COMMD1: variants seen among roughly 807,000 people sequenced by gnomAD.
The protein encoded by COMMD1 is COMM domain-containing protein 1.
In COMMD1, 10 loss-of-function variants were observed where a neutral mutation model predicts 17.2. The ratio of observed to expected loss-of-function variants is 0.58; its 90% CI spans 0.36 to 0.99. The LOEUF (loss-of-function observed/expected upper bound fraction) is 0.99. COMMD1 is among the 50% of genes least tolerant of loss of function. COMMD1 has a pLI of 0.01. For synonymous variants in COMMD1, 97 were observed against 91.6 expected (o/e 1.06, Z -0.34); for missense variants, 270 against 231.8 (o/e 1.17, Z -1.07).
At chr2:62,008,592 T>G (rs1669191529) in intron 2 of COMMD1, among the ~76,000 whole-genome samples, 1 of 152,186 alleles carries the variant, frequency 6.6e-6, no homozygotes, top group Non-Finnish European at 1.5e-5. Context: ...GCAATACAAA[T>G]TTGTTTCTGA....
upstream of COMMD1, chr2:61,888,637 A>G: frequency 8.8e-7 from 1 of 1,130,882 alleles, no homozygotes; most frequent in Non-Finnish European, 1.2e-6. Context: ...CGGCGTCGGG[A>G]GGAGGCGGAG....
chr2:61,963,485 TG>T (rs998999456), intron 1 of COMMD1, among the ~76,000 whole-genome samples: 2 of 151,974 alleles, frequency 1.3e-5, no homozygotes, highest in African/African-American at 4.8e-5. Context: ...GCCTCCTGAG[TG>T]GTGCACACCA....
chr2:62,108,315 G>A (rs78712307), intron 2 of COMMD1, among the ~76,000 whole-genome samples: 4,417 of 152,170 alleles, frequency 0.029, 95 homozygotes, highest in Non-Finnish European at 0.041. Context: ...CTGGGGCCCT[G>A]TCAATTAAAC....
At chr2:62,044,738 A>G (rs1670332396) in intron 2 of COMMD1, among the ~76,000 whole-genome samples, 1 of 151,540 alleles carries the variant, frequency 6.6e-6, no homozygotes. Context: ...CATTAATGGG[A>G]TGCATTCCAT....
chr2:61,914,364 C>A (rs1248984504), intron 1 of COMMD1, among the ~76,000 whole-genome samples: 1 of 151,864 alleles, frequency 6.6e-6, no homozygotes, highest in Non-Finnish European at 1.5e-5. Flanking sequence ...CATAGTGAAA[C>A]CTTGTCTCTA....
At chr2:61,928,990 A>G (rs957193132) in intron 1 of COMMD1, among the ~76,000 whole-genome samples, 2 of 152,226 alleles carry the variant, frequency 1.3e-5, no homozygotes, top group Non-Finnish European at 2.9e-5. Context: ...AGGGAAGGGT[A>G]AGGGAAGCTT....
chr2:61,906,251 G>T (rs1669769831), intron 1 of COMMD1, among the ~76,000 whole-genome samples: 1 of 152,220 alleles, frequency 6.6e-6, no homozygotes, highest in Non-Finnish European at 1.5e-5. Context: ...GCCAGTGTCT[G>T]CTGGATAAGG....
intron 2 of COMMD1, among the ~76,000 whole-genome samples, chr2:62,034,173 A>G (rs899725559): frequency 6.6e-6 from 1 of 151,394 alleles, no homozygotes; most frequent in African/African-American, 2.4e-5. Context: ...AATGTTAGGT[A>G]GGAGACTGTT....
At chr2:62,129,440 A>T (rs763237193) in intron 2 of COMMD1, among the ~76,000 whole-genome samples, 17 of 152,208 alleles carry the variant, frequency 1.1e-4, no homozygotes, top group Non-Finnish European at 1.9e-4. Flanking sequence ...AATTGGGGCC[A>T]GTGGTTCCTT....
chr2:62,028,558 G>A (rs1337796914), intron 2 of COMMD1, among the ~76,000 whole-genome samples: 3 of 152,038 alleles, frequency 2.0e-5, no homozygotes, highest in Non-Finnish European at 2.9e-5. Context: ...AGGCGACAGA[G>A]TGAGAGCCTT....
At chr2:62,061,984 CAAAA>C (rs59487576) in intron 2 of COMMD1, among the ~76,000 whole-genome samples, 3 of 129,298 alleles carry the variant, frequency 2.3e-5, no homozygotes, top group Non-Finnish European at 3.4e-5. Flanking sequence ...ACAGTTACAG[CAAAA>C]AAAAAAAAAA....
intron 1 of COMMD1, among the ~76,000 whole-genome samples, chr2:61,983,272 C>T (rs1212282699): frequency 1.3e-5 from 2 of 151,510 alleles, no homozygotes; most frequent in African/African-American, 2.4e-5. Context: ...TTACTGCAAC[C>T]TCCGCATCCT....
chr2:62,125,119 T>C (rs1043981124), intron 2 of COMMD1, among the ~76,000 whole-genome samples: 1 of 152,204 alleles, frequency 6.6e-6, no homozygotes, highest in Non-Finnish European at 1.5e-5. Flanking sequence ...AATTGTCCAG[T>C]GATGATTAAT....
At position 62,128,707 on chromosome 2, in the gene COMMD1, C is replaced by A. The variant is rs560783682; in HGVS notation, c.463-7124C>A. 2.2e-4 allele frequency among the ~76,000 whole-genome samples: 34 copies of A among 152,242 alleles called. No individual in the cohort carries two copies. In the East Asian group the frequency reaches 5.6e-3, roughly 25 times the overall value. On this transcript the variant is annotated intron_variant, in intron 2 of 2. Coordinates refer to ENST00000311832, the MANE Select transcript of COMMD1 (RefSeq NM_152516.4). ...GTGGCTCACGCCCGTAATCCCAGCA[C>A]TTTGGGAGGCCGAGGCAGGTGGATC...
At chr2:62,050,819 C>T (rs1389825571) in intron 2 of COMMD1, among the ~76,000 whole-genome samples, 3 of 152,008 alleles carry the variant, frequency 2.0e-5, no homozygotes, top group African/African-American at 7.2e-5. Context: ...TTGACCTAGT[C>T]GAAGAACATG....
intron 2 of COMMD1, among the ~76,000 whole-genome samples, chr2:62,088,388 T>G (rs573455110): frequency 2.6e-5 from 4 of 152,350 alleles, no homozygotes; most frequent in African/African-American, 9.6e-5. Context: ...GATGAATAAA[T>G]GTACTGTGGG....
At chr2:62,095,996 A>G (rs576572307) in intron 2 of COMMD1, among the ~76,000 whole-genome samples, 29 of 151,022 alleles carry the variant, frequency 1.9e-4, no homozygotes, top group Non-Finnish European at 3.4e-4. Context: ...TCGTGTATGT[A>G]TGTATATTAT....
intron 1 of COMMD1, among the ~76,000 whole-genome samples, chr2:61,890,471 G>A (rs1175548480): frequency 6.6e-6 from 1 of 152,010 alleles, no homozygotes; most frequent in Non-Finnish European, 1.5e-5. Flanking sequence ...GGCCCGCCTC[G>A]GCTTCCCAAA....
intron 1 of COMMD1, among the ~76,000 whole-genome samples, chr2:61,925,918 T>C (rs1300918932): frequency 6.6e-6 from 1 of 152,170 alleles, no homozygotes; most frequent in Non-Finnish European, 1.5e-5. Context: ...CTGGATAGCT[T>C]AAAGGCAATG....
Sources: gnomAD v4.1 joint callset for allele counts (sites outside exome capture counted in the v4.1 genomes callset) on GRCh38, gnomAD v4.1.1 for gene constraint, MANE v1.5 for transcripts, NCBI Gene and HGNC (gene_info 2026-07-23, HGNC 2026-07-21) for gene names.